HDAC2: variants seen among roughly 807,000 people sequenced by gnomAD.
The protein encoded by HDAC2 is YY1-associated factor 1.
In HDAC2, 5 loss-of-function variants were observed where a neutral mutation model predicts 68.5. That is an observed-to-expected ratio of 0.07 (90% CI 0.04 to 0.15). The LOEUF (loss-of-function observed/expected upper bound fraction) is 0.15, where lower values mean the gene tolerates loss of function less well. HDAC2 is among the 10% of genes least tolerant of loss of function. The pLI, the probability that HDAC2 is intolerant of heterozygous loss-of-function variation, is 1.00. For synonymous variants in HDAC2, 182 were observed against 191.3 expected, an observed-to-expected ratio of 0.95 and a Z score of 0.40; for missense variants, 291 against 600.8, an observed-to-expected ratio of 0.48 and a Z score of 5.39.
Position 113,937,807 on chromosome 6 carries a change from AG to A in HDAC2, c.*3250del, listed in dbSNP as rs1240659535. The A allele has an allele frequency of 6.6e-6, 1 of 152,208 alleles. No homozygotes were observed. The highest frequency in any genetic ancestry group is 6.5e-5 in the Admixed American group (1 of 15,278). 9.4% of individuals were successfully genotyped at this position (152,208 alleles called of 1,614,324 possible). Reference sequence around the variant, plus strand: ...TTCTAAGATGTAGTGAGATATGATCAGGCTACCACACTCCATCCTGGGTGAC... The same window carrying A: ...TTCTAAGATGTAGTGAGATATGATCAGCTACCACACTCCATCCTGGGTGAC... On this transcript the variant is annotated 3_prime_UTR_variant, in exon 14 of 14. Transcript: ENST00000519065.
intron 1 of HDAC2, among the ~76,000 whole-genome samples, chr6:113,964,737 A>G (rs1269839993): frequency 6.6e-6 from 1 of 152,190 alleles, no homozygotes; most frequent in Non-Finnish European, 1.5e-5. Flanking sequence ...ACAGAGGTTA[A>G]CTCTCTTCTC....
At chr6:113,951,817 C>G (rs1776426746) in intron 6 of HDAC2, among the ~76,000 whole-genome samples, 1 of 152,172 alleles carries the variant, frequency 6.6e-6, no homozygotes, top group South Asian at 2.1e-4. Context: ...AAGCCATTCT[C>G]AAATCCTTCT....
chr6:113,946,852 A>C lies in HDAC2; in HGVS notation c.842-704T>G, dbSNP rs946136865. ...TTTAAAGAAGAAAAGAAAATCCTTC[A>C]ATTACAAAAGACATTTGTGCATACT... On this transcript the variant is annotated intron_variant, in intron 8 of 13. Coordinates refer to ENST00000519065, the MANE Select transcript of HDAC2 (RefSeq NM_001527.4). The C allele has an allele frequency of 2.0e-5, 3 of 152,158 alleles. No homozygotes were observed. The South Asian group carries it at 6.2e-4, about 31-fold the overall frequency. The allele number at this position is 152,158 out of a possible 1,614,324, so 9.4% of individuals were successfully genotyped here.
chr6:113,941,676 G>C, intron 13 of HDAC2, 32 bp downstream of exon 13: 1 of 970,656 alleles, frequency 1.0e-6, no homozygotes, highest in Non-Finnish European at 1.5e-6. Context: ...TTTATAGTAT[G>C]TAAAAAGTAC....
At chr6:113,956,293 A>G in intron 4 of HDAC2, 142 bp from the exon 5 acceptor site, 1 of 689,690 alleles carries the variant, frequency 1.4e-6, no homozygotes. Context: ...TATAACACAA[A>G]TAGGAGTTAC....
intron 1 of HDAC2, chr6:113,970,519 T>G: frequency 8.5e-7 from 1 of 1,182,230 alleles, no homozygotes; most frequent in Non-Finnish European, 1.0e-6. Flanking sequence ...AGGGAGAGAA[T>G]GGGCCGCCCC....
rs867313118 is a variant in HDAC2 at position 113,969,230 on chromosome 6, C to G, written c.52+1627G>C. ...TCAACTTATATAATGCATATCTAGT[C>G]CTCTGAAAAATCATTTTTAAAAGTA... On this transcript the variant is annotated intron_variant, in intron 1 of 13. Coordinates refer to ENST00000519065, the MANE Select transcript of HDAC2 (RefSeq NM_001527.4). Among the ~76,000 whole-genome samples the G allele has an allele frequency of 3.9e-5, 6 of 152,142 alleles. No homozygotes were observed. The South Asian group carries it at 1.2e-3, about 32-fold the overall frequency.
chr6:113,956,862 C>G, intron 3 of HDAC2, 169 bp from the exon 4 acceptor site: 1 of 554,506 alleles, frequency 1.8e-6, no homozygotes, highest in Non-Finnish European at 3.2e-6. Context: ...ATTGTTTTAT[C>G]CAAGGTAATT....
chr6:113,955,964 A>G (rs1776544008), intron 5 of HDAC2, 49 bp downstream of exon 5: 2 of 1,381,042 alleles, frequency 1.4e-6, no homozygotes, highest in East Asian at 4.9e-5. Context: ...ATTGTGTTTT[A>G]ATGAAAACAC....
Position 113,937,374 on chromosome 6 carries a change from G to C in HDAC2, c.*3684C>G, listed in dbSNP as rs1399350220. 1 of 152,184 alleles carries C rather than the reference G, an allele frequency of 6.6e-6. No homozygotes were observed. Among genetic ancestry groups the C allele is most frequent in the South Asian group, 2.1e-4 (1 of 4,830 alleles). The allele number at this position is 152,184 out of a possible 1,614,324, so 9.4% of individuals were successfully genotyped here. On this transcript the variant is annotated 3_prime_UTR_variant, in exon 14 of 14. Coordinates refer to ENST00000519065, the MANE Select transcript of HDAC2 (RefSeq NM_001527.4). ...CAGAATGCTAGCAGCTCTGGTAGAAGGGCAAAGCTTAGATATGATGTAACT... is the reference window on the plus strand; with the variant it reads ...CAGAATGCTAGCAGCTCTGGTAGAACGGCAAAGCTTAGATATGATGTAACT...
Position 113,942,463 on chromosome 6 carries a change from A to AT in HDAC2, c.1379-699dup, listed in dbSNP as rs1276768288. ...AAAAAAAAAAAGCTGGCTTATTCAC[A>AT]TAACTTCAATTTGATAGACATAGGA... On this transcript the variant is annotated intron_variant, in intron 12 of 13. Coordinates refer to ENST00000519065, the MANE Select transcript of HDAC2 (RefSeq NM_001527.4). Among the ~76,000 whole-genome samples the AT allele has an allele frequency of 3.3e-5, 5 of 151,460 alleles. No individual in the cohort carries two copies. The East Asian group carries it at 9.7e-4, about 29-fold the overall frequency.
intron 13 of HDAC2, among the ~76,000 whole-genome samples, 165 bp downstream of exon 13, chr6:113,941,543 A>G (rs1327778575): frequency 1.3e-5 from 2 of 152,142 alleles, no homozygotes; most frequent in African/African-American, 2.4e-5. Flanking sequence ...GTAAGATGGC[A>G]TATGTTGTCT....
chr6:113,955,567 G>C (rs137995784), intron 5 of HDAC2, among the ~76,000 whole-genome samples: 25 of 152,134 alleles, frequency 1.6e-4, no homozygotes, highest in African/African-American at 5.8e-4. Flanking sequence ...GCCCAGGCTA[G>C]AGTGTAGTGG....
Position 113,940,385 on chromosome 6 carries a change from A to G in HDAC2, c.*673T>C, listed in dbSNP as rs1776102977. On this transcript the variant is annotated 3_prime_UTR_variant, in exon 14 of 14. Transcript: ENST00000519065. ...TCTGGTCAGTTTCTTCTTTCAATTCAGAATTTCCATTTCAATTTTGAGAAT... is the reference window on the plus strand; with the variant it reads ...TCTGGTCAGTTTCTTCTTTCAATTCGGAATTTCCATTTCAATTTTGAGAAT... 1.3e-5 allele frequency: 2 copies of G among 152,214 alleles called. No homozygotes were observed. Among genetic ancestry groups the G allele is most frequent in the Non-Finnish European group, 2.9e-5 (2 of 68,028 alleles). 9.4% of individuals were successfully genotyped at this position (152,214 alleles called of 1,614,324 possible). A position where few individuals can be genotyped will look rare whatever the true frequency, so the allele number is the denominator to read the frequency against.
At chr6:113,947,060 G>GC (rs1399609736) in intron 8 of HDAC2, 1 of 151,998 alleles carries the variant, frequency 6.6e-6, no homozygotes, top group African/African-American at 2.4e-5. Flanking sequence ...TTCAATAGTT[G>GC]CAACATGTGA....
chr6:113,954,921 T>A (rs1254594833), intron 5 of HDAC2, among the ~76,000 whole-genome samples: 2 of 152,184 alleles, frequency 1.3e-5, no homozygotes, highest in Admixed American at 1.3e-4. Context: ...CAGCCACAGA[T>A]AAGGAAAAAT....
chr6:113,940,784 C>T lies in HDAC2; in HGVS notation c.*274G>A, dbSNP rs1562139067. ...AAAATCAGCTCAGAAAGGCCAATTA[C>T]TTCTTTAATAGATCAGTTTTTTTGA... On this transcript the variant is annotated 3_prime_UTR_variant, in exon 14 of 14. Transcript: ENST00000519065. The T allele has an allele frequency of 2.2e-5, 7 of 316,010 alleles. No homozygotes were observed. Among genetic ancestry groups the T allele is most frequent in the Non-Finnish European group, 4.0e-5 (7 of 173,646 alleles). 19.6% of individuals were successfully genotyped at this position (316,010 alleles called of 1,614,324 possible).
At chr6:113,954,470 C>A (rs1317209310) in intron 5 of HDAC2, among the ~76,000 whole-genome samples, 1 of 152,128 alleles carries the variant, frequency 6.6e-6, no homozygotes, top group Non-Finnish European at 1.5e-5. Context: ...GAAAGCTGTG[C>A]ACCAAGTCAA....
chr6:113,954,028 G>A (rs1171477572), intron 5 of HDAC2, among the ~76,000 whole-genome samples: 1 of 152,224 alleles, frequency 6.6e-6, no homozygotes, highest in Non-Finnish European at 1.5e-5. Context: ...AGCTGTGACA[G>A]AGGCTACATG....
Sources: gnomAD v4.1 joint callset for allele counts (sites outside exome capture counted in the v4.1 genomes callset) on GRCh38, gnomAD v4.1.1 for gene constraint, MANE v1.5 for transcripts, NCBI Gene and HGNC (gene_info 2026-07-23, HGNC 2026-07-21) for gene names.